Variants in VAV3 observed in about 807,000 individuals in gnomAD.
The protein encoded by VAV3 is guanine nucleotide exchange factor VAV3.
VAV3 carries 94 observed loss-of-function variants against 131.2 expected under a neutral mutation model. The observed-to-expected ratio is 0.72, with a 90% CI of 0.61 to 0.85. The LOEUF is 0.85. Among genes scored for constraint, VAV3 ranks in the 40% least tolerant of loss-of-function variants. The pLI, the probability that VAV3 is intolerant of heterozygous loss-of-function variation, is 0.00. For synonymous variants in VAV3, 349 were observed against 342.0 expected, an observed-to-expected ratio of 1.02 and a Z score of -0.22; for missense variants, 939 against 1,002.7, an observed-to-expected ratio of 0.94 and a Z score of 0.86.
At chr1:107,710,139 C>A (rs574386445) in intron 15 of VAV3, among the ~76,000 whole-genome samples, 10 of 152,020 alleles carry the variant, frequency 6.6e-5, no homozygotes, top group Non-Finnish European at 1.5e-4. Flanking sequence ...ATAAAGGAAG[C>A]AAATCCTAGC....
chr1:107,702,319 A>G (rs1231957268), intron 17 of VAV3, among the ~76,000 whole-genome samples: 2 of 152,126 alleles, frequency 1.3e-5, no homozygotes, highest in Non-Finnish European at 1.5e-5. Flanking sequence ...CCATGATCCA[A>G]TCCCCTCCTG....
chr1:107,727,264 T>G (rs1226051301), intron 15 of VAV3, among the ~76,000 whole-genome samples: 1 of 152,236 alleles, frequency 6.6e-6, no homozygotes, highest in African/African-American at 2.4e-5. Context: ...AATTTTGTTC[T>G]CCTTGACCAG....
chr1:107,768,548 C>T (rs1211151880), intron 6 of VAV3, 39 bp from the exon 7 acceptor site: 2 of 1,520,468 alleles, frequency 1.3e-6, no homozygotes, highest in East Asian at 2.3e-5. Context: ...TTAAGTATAA[C>T]TTGTCCTAAT....
chr1:107,712,801 T>C (rs1322406295), intron 15 of VAV3, among the ~76,000 whole-genome samples: 2 of 152,326 alleles, frequency 1.3e-5, no homozygotes, highest in East Asian at 3.9e-4. Flanking sequence ...ATTTAAATAA[T>C]TCCACAAACA....
chr1:107,644,131 C>T (rs1380508221), intron 19 of VAV3, among the ~76,000 whole-genome samples: 2 of 152,144 alleles, frequency 1.3e-5, no homozygotes, highest in African/African-American at 4.8e-5. Flanking sequence ...TAAGAGAACT[C>T]CTCTCAGTTA....
At chr1:107,778,602 G>T (rs1665507625) in intron 3 of VAV3, among the ~76,000 whole-genome samples, 1 of 152,192 alleles carries the variant, frequency 6.6e-6, no homozygotes, top group Admixed American at 6.6e-5. Context: ...TTTGTAGCCA[G>T]TGCAGAGAAC....
At chr1:107,854,048 C>T (rs1669353301) in intron 2 of VAV3, among the ~76,000 whole-genome samples, 1 of 152,152 alleles carries the variant, frequency 6.6e-6, no homozygotes, top group Non-Finnish European at 1.5e-5. Flanking sequence ...GCAGCTCACG[C>T]CTGTAATCCC....
At chr1:107,721,110 T>A (rs1269755243) in intron 15 of VAV3, among the ~76,000 whole-genome samples, 1 of 152,084 alleles carries the variant, frequency 6.6e-6, no homozygotes, top group Non-Finnish European at 1.5e-5. Flanking sequence ...GACTGGAGAA[T>A]CCTTTATGGT....
At chr1:107,935,522 T>G (rs1467578634) in intron 1 of VAV3, among the ~76,000 whole-genome samples, 2 of 152,182 alleles carry the variant, frequency 1.3e-5, no homozygotes, top group African/African-American at 4.8e-5. Context: ...TACACAAATT[T>G]GGTCCTCAGT....
chr1:107,668,332 A>T (rs1036422143), intron 19 of VAV3, among the ~76,000 whole-genome samples: 2 of 152,216 alleles, frequency 1.3e-5, no homozygotes, highest in African/African-American at 4.8e-5. Context: ...CATATATGGA[A>T]GTTTTATAAG....
chr1:107,868,118 G>A (rs1670086822), intron 2 of VAV3, among the ~76,000 whole-genome samples: 1 of 152,192 alleles, frequency 6.6e-6, no homozygotes, highest in Non-Finnish European at 1.5e-5. Flanking sequence ...CTAGCAGACA[G>A]AGAGATCAAG....
At chr1:107,924,748 T>A (rs893276619) in intron 1 of VAV3, among the ~76,000 whole-genome samples, 2 of 152,088 alleles carry the variant, frequency 1.3e-5, no homozygotes, top group Non-Finnish European at 2.9e-5. Flanking sequence ...ACAGACACCA[T>A]TGGGGGAAAA....
intron 2 of VAV3, among the ~76,000 whole-genome samples, chr1:107,833,761 G>A (rs1181858763): frequency 6.6e-6 from 1 of 152,168 alleles, no homozygotes; most frequent in Non-Finnish European, 1.5e-5. Flanking sequence ...TTGTTATTGT[G>A]AAGCTAGCAA....
intron 1 of VAV3, among the ~76,000 whole-genome samples, chr1:107,938,806 G>T (rs1473995738): frequency 2.0e-5 from 3 of 152,196 alleles, no homozygotes; most frequent in Non-Finnish European, 4.4e-5. Context: ...TTGGCCTAAA[G>T]ATTTATCTGC....
chr1:107,738,468 T>C (rs1345529403), intron 15 of VAV3, among the ~76,000 whole-genome samples: 2 of 152,354 alleles, frequency 1.3e-5, no homozygotes, highest in East Asian at 3.9e-4. Context: ...TGGGCATGTA[T>C]TGTGAAATGC....
At chr1:107,833,529 T>C (rs962324389) in intron 2 of VAV3, among the ~76,000 whole-genome samples, 12 of 152,250 alleles carry the variant, frequency 7.9e-5, no homozygotes, top group Non-Finnish European at 1.6e-4. Flanking sequence ...TTTTCACTTA[T>C]AACTGAGACT....
chr1:107,631,843 T>C (rs1043117264), intron 20 of VAV3, among the ~76,000 whole-genome samples: 1 of 152,122 alleles, frequency 6.6e-6, no homozygotes, highest in Non-Finnish European at 1.5e-5. Context: ...TTTCATGGTG[T>C]ATATCTGCCA....
At chr1:107,856,858 G>A (rs745514124) in intron 2 of VAV3, among the ~76,000 whole-genome samples, 2 of 152,126 alleles carry the variant, frequency 1.3e-5, no homozygotes, top group Non-Finnish European at 2.9e-5. Flanking sequence ...GCTACATGGT[G>A]AGACCTCATC....
intron 12 of VAV3, among the ~76,000 whole-genome samples, chr1:107,753,629 G>C (rs1360901088): frequency 6.7e-6 from 1 of 149,232 alleles, no homozygotes; most frequent in Non-Finnish European, 1.5e-5. Flanking sequence ...GCATGATCTC[G>C]GTTCACTGCA....
Sources: gnomAD v4.1 joint callset for allele counts (sites outside exome capture counted in the v4.1 genomes callset) on GRCh38, gnomAD v4.1.1 for gene constraint, MANE v1.5 for transcripts, NCBI Gene and HGNC (gene_info 2026-07-23, HGNC 2026-07-21) for gene names.